PSD2: variants seen among roughly 807,000 people sequenced by gnomAD.
PSD2 encodes the protein pleckstrin and Sec7 domain containing 2.
In PSD2, 38 loss-of-function variants were observed where a neutral mutation model predicts 69.8. The ratio of observed to expected loss-of-function variants is 0.54; its 90% CI spans 0.42 to 0.71. The LOEUF (loss-of-function observed/expected upper bound fraction) is 0.71, where lower values mean the gene tolerates loss of function less well. Among genes scored for constraint, PSD2 ranks in the 30% least tolerant of loss-of-function variants. The pLI is 0.00. For missense variants in PSD2, 943 were observed against 1,014.5 expected (o/e 0.93, Z 0.96); for synonymous variants, 412 against 423.0 (o/e 0.97, Z 0.32).
chr5:139,778,205 G>A, the PSD2 span, among the ~76,000 whole-genome samples: 1 of 152,196 alleles, frequency 6.6e-6, no homozygotes, highest in Non-Finnish European at 1.5e-5. Flanking sequence ...GGGGGAAATG[G>A]GACAGTGCAC....
At chr5:139,835,805 A>G (rs944205980) in intron 9 of PSD2, 39 bp downstream of exon 9, 1 of 1,597,262 alleles carries the variant, frequency 6.3e-7, no homozygotes, top group Non-Finnish European at 8.6e-7. Flanking sequence ...GGGAGCATAC[A>G]TCCCTGGGTG....
intron 6 of PSD2, 93 bp from the exon 7 acceptor site, chr5:139,822,633 T>A (rs1381652250): frequency 4.3e-6 from 5 of 1,162,116 alleles, no homozygotes; most frequent in Non-Finnish European, 6.1e-6. Context: ...GGCCTCCCTC[T>A]GTGTCCAAGG....
the PSD2 span, among the ~76,000 whole-genome samples, chr5:139,747,843 G>C: frequency 6.6e-6 from 1 of 152,268 alleles, no homozygotes; most frequent in Non-Finnish European, 1.5e-5. The surrounding 1 kb of genome is among the most constrained non-coding windows in gnomAD (Gnocchi z 6.7). Context: ...GCAAGGAGGG[G>C]GTGTAGGGGG....
At chr5:139,835,811 G>C in intron 9 of PSD2, 45 bp downstream of exon 9, 1 of 1,592,596 alleles carries the variant, frequency 6.3e-7, no homozygotes, top group Non-Finnish European at 8.6e-7. Context: ...ATACATCCCT[G>C]GGTGGGGGAG....
At chr5:139,838,933 C>T (rs1428393990) in intron 13 of PSD2, among the ~76,000 whole-genome samples, 161 bp downstream of exon 13, 1 of 152,174 alleles carries the variant, frequency 6.6e-6, no homozygotes, top group Non-Finnish European at 1.5e-5. Flanking sequence ...GCACCCCACC[C>T]CCACATCAAC....
At chr5:139,771,226 GTC>G in the PSD2 span, among the ~76,000 whole-genome samples, 9 of 152,230 alleles carry the variant, frequency 5.9e-5, no homozygotes, top group African/African-American at 1.9e-4. Flanking sequence ...GGGTGGCGGA[GTC>G]TCTATTTTAG....
At chr5:139,833,252 G>A (rs1226758198) in intron 7 of PSD2, among the ~76,000 whole-genome samples, 1 of 152,024 alleles carries the variant, frequency 6.6e-6, no homozygotes, top group Non-Finnish European at 1.5e-5. Context: ...GACACACTTG[G>A]CCTTTTCACT....
Position 139,813,639 on chromosome 5 carries a change from C to G in PSD2, c.702C>G (p.Val234=), listed in dbSNP as rs752113167. The change falls in exon 3 of 15, where the codon GTC becomes GTG. Residue 234 remains valine, a synonymous_variant. Coordinates refer to ENST00000274710, the MANE Select transcript of PSD2 (RefSeq NM_032289.4). ...TCTCCAGCAGCCGCTCTGAGAATGT[C>G]CTGAGCCGCCTGTCTCTCATGGCCA... ...RSISSSRSEN[V]LSRLSLMAMP... 1.2e-6 allele frequency: 2 copies of G among 1,613,848 alleles called. No homozygotes were observed. Among genetic ancestry groups the G allele is most frequent in the African/African-American group, 1.3e-5 (1 of 75,068 alleles).
chr5:139,837,674 C>T lies in PSD2; in HGVS notation c.1715C>T (p.Ala572Val). Residue 572 changes from alanine (A) to valine (V), a missense_variant, in exon 12 of 15, where the codon GCC becomes GTC. This residue lies in a region of PSD2 where 312 missense variants were observed against 400.7 expected (regional missense o/e 0.78). Transcript: ENST00000274710. This position sits in a 1 kb window ranked among gnomAD's most constrained non-coding sequence, Gnocchi z 5.0. ...KALSEGDLKN[A>V]IRVHHALATR... ...CTATCGGAGGGTGACCTGAAGAACG[C>T]CATTCGCGTGCATCACGCTCTGGCC... 1 of 1,614,026 alleles carries T rather than the reference C, an allele frequency of 6.2e-7. No individual in the cohort carries two copies. The highest frequency in any genetic ancestry group is 1.1e-5 in the South Asian group (1 of 91,070).
the PSD2 span, among the ~76,000 whole-genome samples, chr5:139,760,823 T>TGCTGA: frequency 3.3e-5 from 5 of 152,146 alleles, no homozygotes; most frequent in Non-Finnish European, 7.3e-5. Flanking sequence ...GCTGGGTGTG[T>TGCTGA]GCTGATGGTG....
At chr5:139,759,635 G>T in the PSD2 span, among the ~76,000 whole-genome samples, 80 of 152,346 alleles carry the variant, frequency 5.3e-4, no homozygotes, top group African/African-American at 1.9e-3. Context: ...ATCACGGGCC[G>T]TGGCGGGCGC....
chr5:139,840,010 A>G lies in PSD2; in HGVS notation c.1969-17A>G. On this transcript the variant is annotated splice_polypyrimidine_tract_variant and intron_variant, in intron 13 of 14. Coordinates refer to ENST00000274710, the MANE Select transcript of PSD2 (RefSeq NM_032289.4). ...TCCTGAGAGTAAGGCCTCACAGTCC[A>G]GGATTTGTCTTTGCAGGAGGAGCAA... is the stretch of plus-strand genomic sequence containing the variant. The G allele has an allele frequency of 6.2e-7, 1 of 1,614,098 alleles. No individual in the cohort carries two copies. Among genetic ancestry groups the G allele is most frequent in the Admixed American group, 1.7e-5 (1 of 60,022 alleles).
At chr5:139,775,758 T>A in the PSD2 span, among the ~76,000 whole-genome samples, 1 of 152,318 alleles carries the variant, frequency 6.6e-6, no homozygotes, top group Non-Finnish European at 1.5e-5. Flanking sequence ...AACCTCCGTC[T>A]CCGAGGTTCA....
In PSD2 at chr5:139,837,942, T is replaced by A. The variant is rs1176289279; in HGVS notation, c.1823+160T>A. 6.6e-6 allele frequency among the ~76,000 whole-genome samples: 1 copy of A among 152,148 alleles called. No homozygotes were observed. Among genetic ancestry groups the A allele is most frequent in the Non-Finnish European group, 1.5e-5 (1 of 68,014 alleles). On this transcript the variant is annotated intron_variant, in intron 12 of 14. Transcript: ENST00000274710. This position sits in a 1 kb window ranked among gnomAD's most constrained non-coding sequence, Gnocchi z 5.0. ...CTCCAAAGCAGTGGTTCCCAATGTG[T>A]GGTTCCCCTCAGCATCATTTGCAGT...
intron 7 of PSD2, among the ~76,000 whole-genome samples, chr5:139,832,067 A>T (rs1236046515): frequency 6.6e-6 from 1 of 152,186 alleles, no homozygotes; most frequent in East Asian, 1.9e-4. Flanking sequence ...TCACCCTTGA[A>T]GCCTTCACTG....
At chr5:139,786,974 G>C in the PSD2 span, among the ~76,000 whole-genome samples, 1 of 152,108 alleles carries the variant, frequency 6.6e-6, no homozygotes, top group African/African-American at 2.4e-5. Flanking sequence ...ATCAGTTTGA[G>C]TTGGGATTCT....
intron 7 of PSD2, among the ~76,000 whole-genome samples, chr5:139,823,519 G>C (rs1376475711): frequency 6.6e-6 from 1 of 152,140 alleles, no homozygotes; most frequent in Non-Finnish European, 1.5e-5. Context: ...AGGAAATCCA[G>C]GGCATATGGG....
the PSD2 span, among the ~76,000 whole-genome samples, chr5:139,768,596 G>C: frequency 6.6e-6 from 1 of 152,070 alleles, no homozygotes; most frequent in Non-Finnish European, 1.5e-5. Context: ...GGTGGCGCAT[G>C]CCTGTAATCC....
At chr5:139,752,991 G>A in the PSD2 span, among the ~76,000 whole-genome samples, 27 of 151,982 alleles carry the variant, frequency 1.8e-4, no homozygotes, top group African/African-American at 6.3e-4. Flanking sequence ...GGGAGAAAGG[G>A]GCATTTTCTT....
Sources: allele counts gnomAD v4.1 joint callset (sites outside exome capture counted in the v4.1 genomes callset), GRCh38; gene constraint gnomAD v4.1.1; regional missense constraint gnomAD v4.1.1; non-coding constraint Gnocchi (gnomAD v3.1); transcripts MANE v1.5; gene names NCBI Gene and HGNC (gene_info 2026-07-23, HGNC 2026-07-21).